The following MYO5B variants were observed in gnomAD, a reference collection of about 807,000 sequenced individuals.
The protein encoded by MYO5B is myosin VB.
MYO5B carries 143 observed loss-of-function variants against 229.3 expected under a neutral mutation model. The ratio of observed to expected loss-of-function variants is 0.62; its 90% CI spans 0.54 to 0.72. The LOEUF (loss-of-function observed/expected upper bound fraction) is 0.72. Among genes scored for constraint, MYO5B ranks in the 30% least tolerant of loss-of-function variants. The pLI, the probability that MYO5B is intolerant of heterozygous loss-of-function variation, is 0.00. For synonymous variants in MYO5B, 918 were observed against 885.2 expected (o/e 1.04, Z -0.66); for missense variants, 2,321 against 2,331.0 (o/e 1.00, Z 0.09).
intron 21 of MYO5B, among the ~76,000 whole-genome samples, chr18:49,901,675 C>A (rs1225677873): frequency 6.6e-6 from 1 of 152,120 alleles, no homozygotes; most frequent in African/African-American, 2.4e-5. Flanking sequence ...GAACTGAATT[C>A]TGATTTCCAA....
chr18:49,984,866 C>T, intron 7 of MYO5B, 41 bp from the exon 8 acceptor site: 2 of 1,340,552 alleles, frequency 1.5e-6, no homozygotes, highest in Middle Eastern at 1.8e-4. Context: ...CACTGGAGGA[C>T]ACTTCATCCC....
At position 49,859,902 on chromosome 18, in the gene MYO5B, C is replaced by T. The variant is rs185157255; in HGVS notation, c.3945-3012G>A. On this transcript the variant is annotated intron_variant, in intron 29 of 39. Transcript: ENST00000285039. ...TCAAGGTCAAATGAGCCAACAGCTC[C>T]GAGCAAATCTTGAGACTGCACACAG... Among the ~76,000 whole-genome samples, 16 of 152,314 alleles carry T rather than the reference C, an allele frequency of 1.1e-4. No individual in the cohort carries two copies. The East Asian group carries it at 2.1e-3, about 20-fold the overall frequency.
Position 50,148,787 on chromosome 18 carries a change from C to T in MYO5B, c.27+45980G>A, listed in dbSNP as rs573802358. 2.3e-3 allele frequency among the ~76,000 whole-genome samples: 353 copies of T among 152,088 alleles called. 2 individuals are homozygous for T. Among genetic ancestry groups the T allele is most frequent in the African/African-American group, 8.1e-3 (338 of 41,478 alleles). ...GAAAACTGGCACAAGACAGGGATGC[C>T]CTCTCTCACCACTCCTATTCAACAT... On this transcript the variant is annotated intron_variant, in intron 1 of 39. Transcript: ENST00000285039.
intron 1 of MYO5B, among the ~76,000 whole-genome samples, chr18:50,187,932 T>C (rs2144358853): frequency 6.6e-6 from 1 of 152,254 alleles, no homozygotes; most frequent in South Asian, 2.1e-4. Context: ...AACAGGATCC[T>C]GGCCCAGAAA....
chr18:49,971,850 A>T (rs1002956477), intron 10 of MYO5B, among the ~76,000 whole-genome samples: 4 of 152,208 alleles, frequency 2.6e-5, no homozygotes, highest in African/African-American at 9.7e-5. Context: ...TGTGCATGGG[A>T]CTTATTTGTC....
intron 15 of MYO5B, 110 bp downstream of exon 15, chr18:49,937,135 T>A: frequency 2.3e-6 from 3 of 1,331,676 alleles, no homozygotes; most frequent in Non-Finnish European, 3.2e-6. Flanking sequence ...AGGCTACTGA[T>A]GTCAAGGCTG....
chr18:49,994,812 AGTGAGC>A (rs1276278290), intron 5 of MYO5B, among the ~76,000 whole-genome samples: 3 of 152,370 alleles, frequency 2.0e-5, no homozygotes, highest in Non-Finnish European at 4.4e-5. Flanking sequence ...GCCAGACTTC[AGTGAGC>A]CAATTTCTAC....
At chr18:49,867,232 G>A (rs1407174933) in intron 27 of MYO5B, among the ~76,000 whole-genome samples, 1 of 152,196 alleles carries the variant, frequency 6.6e-6, no homozygotes, top group Non-Finnish European at 1.5e-5. Context: ...CAGAGATTTA[G>A]GAGGTGGAAC....
At position 49,824,912 on chromosome 18, in the gene MYO5B, G is replaced by A. The variant is rs188878007; in HGVS notation, c.*1559C>T. On this transcript the variant is annotated 3_prime_UTR_variant, in exon 40 of 40. Transcript: ENST00000285039. ...TTAACCCAGGCTAAGACTGGCCTAAGCCCCAGGAGATGCAGAGAACAACTG... is the reference window on the plus strand; with the variant it reads ...TTAACCCAGGCTAAGACTGGCCTAAACCCCAGGAGATGCAGAGAACAACTG... 6.6e-6 allele frequency: 1 copy of A among 152,374 alleles called. No homozygotes were observed. Among genetic ancestry groups the A allele is most frequent in the Non-Finnish European group, 1.5e-5 (1 of 68,080 alleles). The allele number at this position is 152,374 out of a possible 1,614,324, so 9.4% of individuals were successfully genotyped here.
intron 1 of MYO5B, among the ~76,000 whole-genome samples, chr18:50,187,751 A>C (rs2033169014): frequency 6.6e-6 from 1 of 152,170 alleles, no homozygotes; most frequent in South Asian, 2.1e-4. Flanking sequence ...TCCTGGGTTT[A>C]AGGGATCCTC....
chr18:49,921,096 C>T (rs141389647), intron 17 of MYO5B, among the ~76,000 whole-genome samples: 27 of 152,210 alleles, frequency 1.8e-4, no homozygotes, highest in East Asian at 1.9e-4. Flanking sequence ...GGAAGCAGGC[C>T]GCTTCTAAAG....
intron 1 of MYO5B, among the ~76,000 whole-genome samples, chr18:50,102,214 A>T (rs2031668598): frequency 6.6e-6 from 1 of 152,178 alleles, no homozygotes; most frequent in African/African-American, 2.4e-5. Flanking sequence ...ACAGATGGAC[A>T]CAAGGAGGGG....
intron 4 of MYO5B, among the ~76,000 whole-genome samples, chr18:50,030,647 C>T (rs2026377291): frequency 6.6e-6 from 1 of 152,036 alleles, no homozygotes; most frequent in Admixed American, 6.5e-5. Context: ...GATCCCATCT[C>T]CAGGCTGGCT....
intron 1 of MYO5B, among the ~76,000 whole-genome samples, chr18:50,104,504 A>G (rs561160916): frequency 2.1e-5 from 3 of 140,256 alleles, no homozygotes; most frequent in Admixed American, 6.8e-5. Context: ...ACATTTCTAC[A>G]AAGATCATAC....
chr18:49,994,772 C>T (rs902882714), intron 5 of MYO5B, among the ~76,000 whole-genome samples: 1 of 152,210 alleles, frequency 6.6e-6, no homozygotes, highest in South Asian at 2.1e-4. Context: ...GAGTCTCAGC[C>T]TTTAAGGCCC....
At chr18:49,948,026 C>T (rs1007732187) in intron 14 of MYO5B, among the ~76,000 whole-genome samples, 3 of 151,658 alleles carry the variant, frequency 2.0e-5, no homozygotes, top group Non-Finnish European at 2.9e-5. Flanking sequence ...CAAACCTGCA[C>T]GTTGTGCACA....
At chr18:50,081,683 T>C (rs2031224820) in intron 1 of MYO5B, among the ~76,000 whole-genome samples, 1 of 152,078 alleles carries the variant, frequency 6.6e-6, no homozygotes, top group Non-Finnish European at 1.5e-5. Flanking sequence ...AAAGTATTAT[T>C]TCTGGGAAAA....
At chr18:50,009,195 T>C (rs1020663889) in intron 4 of MYO5B, among the ~76,000 whole-genome samples, 2 of 152,094 alleles carry the variant, frequency 1.3e-5, no homozygotes, top group African/African-American at 4.8e-5. Context: ...CTGGCCAACA[T>C]GGTGAAACCC....
intron 4 of MYO5B, among the ~76,000 whole-genome samples, chr18:50,021,532 G>A (rs1201428574): frequency 3.9e-5 from 6 of 152,128 alleles, no homozygotes; most frequent in Non-Finnish European, 5.9e-5. Flanking sequence ...AAAGAGGTCT[G>A]AAAATTAAAA....
Sources: gnomAD v4.1 joint callset for allele counts (sites outside exome capture counted in the v4.1 genomes callset) on GRCh38, gnomAD v4.1.1 for gene constraint, MANE v1.5 for transcripts, NCBI Gene and HGNC (gene_info 2026-07-23, HGNC 2026-07-21) for gene names.